MMP16: variants seen among roughly 807,000 people sequenced by gnomAD.
MMP16 encodes the protein matrix metalloproteinase-16.
A neutral mutation model predicts 67.8 loss-of-function variants in MMP16; 12 were observed. The ratio of observed to expected loss-of-function variants is 0.18; its 90% confidence interval spans 0.11 to 0.29. The LOEUF is 0.29. Ranked by LOEUF, MMP16 falls within the 10% of genes least tolerant of loss-of-function variation. The pLI is 1.00. For missense variants in MMP16, 475 were observed against 765.7 expected (o/e 0.62, Z 4.48); for synonymous variants, 249 against 255.9 (o/e 0.97, Z 0.26).
chr8:88,071,731 T>C (rs1004734155), intron 7 of MMP16, among the ~76,000 whole-genome samples: 2 of 152,172 alleles, frequency 1.3e-5, no homozygotes, highest in African/African-American at 4.8e-5. Flanking sequence ...GTGTTTACTA[T>C]ATTCCAGGTA....
intron 4 of MMP16, among the ~76,000 whole-genome samples, chr8:88,121,807 G>A (rs1807838989): frequency 6.6e-6 from 1 of 151,976 alleles, no homozygotes; most frequent in Admixed American, 6.6e-5. Flanking sequence ...GAAGGATAAT[G>A]AATTATTTGT....
At chr8:88,202,041 A>C (rs549163107) in intron 1 of MMP16, among the ~76,000 whole-genome samples, 2 of 152,318 alleles carry the variant, frequency 1.3e-5, no homozygotes, top group South Asian at 4.2e-4. Context: ...CACAAGGCAG[A>C]AATTAGCCTT....
chr8:88,053,836 CCTG>C (rs1428649354), intron 8 of MMP16, among the ~76,000 whole-genome samples: 14 of 151,928 alleles, frequency 9.2e-5, no homozygotes, highest in Admixed American at 9.2e-4. Flanking sequence ...TAATTGAAAC[CCTG>C]CTTTCAGTTT....
chr8:88,313,071 T>G (rs1206086736), intron 1 of MMP16, among the ~76,000 whole-genome samples: 1 of 152,258 alleles, frequency 6.6e-6, no homozygotes, highest in Non-Finnish European at 1.5e-5. Flanking sequence ...CTTTGTTCAC[T>G]CAGCCTAATT....
At chr8:88,097,040 T>A (rs1340368688) in intron 6 of MMP16, among the ~76,000 whole-genome samples, 1 of 151,916 alleles carries the variant, frequency 6.6e-6, no homozygotes, top group Non-Finnish European at 1.5e-5. Flanking sequence ...TAGTTCTACC[T>A]CTGCACATGC....
chr8:88,101,801 A>G (rs1055851856), intron 6 of MMP16, among the ~76,000 whole-genome samples: 1 of 151,926 alleles, frequency 6.6e-6, no homozygotes, highest in African/African-American at 2.4e-5. Context: ...GGAAAACATT[A>G]TAGCTTCTTT....
intron 4 of MMP16, among the ~76,000 whole-genome samples, chr8:88,121,628 T>C (rs563870107): frequency 2.0e-3 from 304 of 152,108 alleles, no homozygotes; most frequent in Admixed American, 4.2e-3. Flanking sequence ...CTTGATTTTA[T>C]CACCAAGCAG....
chr8:88,282,025 A>G (rs1810745887), intron 1 of MMP16, among the ~76,000 whole-genome samples: 1 of 148,588 alleles, frequency 6.7e-6, no homozygotes, highest in Non-Finnish European at 1.5e-5. Context: ...AAATATTAAC[A>G]GACTTCAGTA....
intron 1 of MMP16, among the ~76,000 whole-genome samples, chr8:88,251,021 T>C (rs1474248950): frequency 6.7e-6 from 1 of 149,336 alleles, no homozygotes; most frequent in Non-Finnish European, 1.5e-5. Flanking sequence ...AGTGAGAATA[T>C]GCGGTGTTTG....
chr8:88,157,274 T>A (rs1808526014), intron 4 of MMP16, among the ~76,000 whole-genome samples: 1 of 152,106 alleles, frequency 6.6e-6, no homozygotes, highest in African/African-American at 2.4e-5. Context: ...GTATAACCAC[T>A]ATTTACATAG....
intron 1 of MMP16, among the ~76,000 whole-genome samples, chr8:88,237,674 ACAACAAC>A (rs1325591799): frequency 3.2e-4 from 3 of 9,380 alleles, no homozygotes; most frequent in Non-Finnish European, 3.0e-3. Flanking sequence ...AACAACAACA[ACAACAAC>A]AAAAAACAAC....
At chr8:88,218,633 A>G (rs536112671) in intron 1 of MMP16, among the ~76,000 whole-genome samples, 112 of 152,144 alleles carry the variant, frequency 7.4e-4, no homozygotes, top group Non-Finnish European at 1.5e-3. Flanking sequence ...ATACCTTGAT[A>G]AAACTGGAAA....
intron 4 of MMP16, among the ~76,000 whole-genome samples, chr8:88,159,906 T>C (rs567204569): frequency 6.6e-5 from 10 of 152,258 alleles, no homozygotes; most frequent in Non-Finnish European, 1.3e-4. Flanking sequence ...GTTTTCGTCG[T>C]TGGTTCTGTT....
rs921868076 is a variant in MMP16, at chr8:88,256,676, TCTCTCTCTCA to T, written c.133-59380_133-59371del. ...CATAATCACCCCATCTCTCTCTCTC[TCTCTCTCTCA>T]CACACACACACACACACCCCACACA... On this transcript the variant is annotated intron_variant, in intron 1 of 9. Coordinates refer to ENST00000286614, the MANE Select transcript of MMP16 (RefSeq NM_005941.5). Among the ~76,000 whole-genome samples the T allele has an allele frequency of 6.7e-5, 10 of 148,288 alleles. No individual in the cohort carries two copies. In the East Asian group the frequency reaches 2.0e-3, roughly 29 times the overall value.
At chr8:88,078,208 CAAGTT>C (rs1808683980) in intron 6 of MMP16, among the ~76,000 whole-genome samples, 1 of 152,058 alleles carries the variant, frequency 6.6e-6, no homozygotes, top group Non-Finnish European at 1.5e-5. Flanking sequence ...TCTGCAAAGT[CAAGTT>C]GTGAAAAAAA....
rs561408863 is a variant in MMP16, at chr8:88,055,397, G to A, written c.1373+731C>T. ...TAATTTTTATATTTTTAGTAGAGAC[G>A]GGGTTTCGCCATGTTGGCCAGGCTG... On this transcript the variant is annotated intron_variant, in intron 8 of 9. Transcript: ENST00000286614. 1.4e-4 allele frequency among the ~76,000 whole-genome samples: 21 copies of A among 152,120 alleles called. 1 individual carries two copies. In the South Asian group the frequency reaches 2.5e-3, roughly 18 times the overall value.
At chr8:88,209,235 C>A (rs1809476469) in intron 1 of MMP16, among the ~76,000 whole-genome samples, 1 of 152,062 alleles carries the variant, frequency 6.6e-6, no homozygotes, top group Admixed American at 6.6e-5. Context: ...TCTGCCTCTG[C>A]CACCCTTGAA....
intron 1 of MMP16, among the ~76,000 whole-genome samples, chr8:88,254,899 T>A (rs1810278369): frequency 6.6e-6 from 1 of 152,160 alleles, no homozygotes; most frequent in African/African-American, 2.4e-5. Context: ...ATGTGCTACA[T>A]CACTATAAGA....
At chr8:88,088,043 G>C in intron 6 of MMP16, among the ~76,000 whole-genome samples, 1 of 96,686 alleles carries the variant, frequency 1.0e-5, no homozygotes, top group African/African-American at 4.4e-5. Flanking sequence ...TAGATATATA[G>C]ATATCTATTA....
Sources: gnomAD v4.1 joint callset for allele counts (sites outside exome capture counted in the v4.1 genomes callset) on GRCh38, gnomAD v4.1.1 for gene constraint, MANE v1.5 for transcripts, NCBI Gene and HGNC (gene_info 2026-07-23, HGNC 2026-07-21) for gene names.